Variants in NRG1 observed in about 807,000 individuals in gnomAD.
NRG1 encodes neuregulin 1.
In NRG1, 18 loss-of-function variants were observed where a neutral mutation model predicts 63.8. The ratio of observed to expected loss-of-function variants is 0.28; its 90% CI spans 0.19 to 0.42. The LOEUF (loss-of-function observed/expected upper bound fraction) is 0.42. NRG1 is among the 10% of genes least tolerant of loss of function. The probability of loss-of-function intolerance (pLI) is 1.00; values close to 1 mark genes in which losing one functional copy is unlikely to be tolerated. For synonymous variants in NRG1, 302 were observed against 301.3 expected (o/e 1.00, Z -0.02); for missense variants, 762 against 814.7 (o/e 0.94, Z 0.79).
At chr8:32,270,646 G>T (rs1006547810) in intron 1 of NRG1, among the ~76,000 whole-genome samples, 3 of 152,110 alleles carry the variant, frequency 2.0e-5, no homozygotes, top group Non-Finnish European at 4.4e-5. Context: ...CTGTTTCTTT[G>T]GGATTACCAA....
chr8:32,228,363 G>A (rs1586225083), intron 1 of NRG1, among the ~76,000 whole-genome samples: 1 of 152,198 alleles, frequency 6.6e-6, no homozygotes, highest in Non-Finnish European at 1.5e-5. Flanking sequence ...GTAATTAATA[G>A]CTCATGAGTC....
At chr8:32,398,795 A>G (rs1241344342) in intron 1 of NRG1, among the ~76,000 whole-genome samples, 1 of 152,096 alleles carries the variant, frequency 6.6e-6, no homozygotes, top group Non-Finnish European at 1.5e-5. Flanking sequence ...GTTATCTCCC[A>G]ATTATTGGGA....
intron 5 of NRG1, chr8:32,647,494 A>G: frequency 1.0e-6 from 1 of 985,394 alleles, no homozygotes; most frequent in Non-Finnish European, 1.2e-6. Flanking sequence ...GTGGCCCAGA[A>G]ACAGCAGCTT....
chr8:32,361,335 G>A (rs776225754), intron 1 of NRG1, among the ~76,000 whole-genome samples: 2 of 151,974 alleles, frequency 1.3e-5, no homozygotes, highest in African/African-American at 2.4e-5. Flanking sequence ...TAGAAAAGGA[G>A]GACCACAGGT....
chr8:31,767,145 G>A (rs1294628768), intron 1 of NRG1, among the ~76,000 whole-genome samples: 1 of 152,042 alleles, frequency 6.6e-6, no homozygotes, highest in African/African-American at 2.4e-5. Flanking sequence ...CATTCTTCAT[G>A]ACCGCCATTG....
chr8:32,229,362 G>A lies in NRG1; in HGVS notation c.38-366466G>A, dbSNP rs9942799. 2.0e-5 allele frequency among the ~76,000 whole-genome samples: 3 copies of A among 152,190 alleles called. No individual in the cohort carries two copies. The East Asian group carries it at 5.8e-4, about 29-fold the overall frequency. ...AAATTGACAGCTTTTGGGTTTGTGAGGATATTGTGAGTCAGGGTTCTCCTG... is the reference window on the plus strand; with the variant it reads ...AAATTGACAGCTTTTGGGTTTGTGAAGATATTGTGAGTCAGGGTTCTCCTG... On this transcript the variant is annotated intron_variant, in intron 1 of 10. Transcript: ENST00000519301.
chr8:32,281,632 C>A (rs1586601937), intron 1 of NRG1, among the ~76,000 whole-genome samples: 1 of 152,162 alleles, frequency 6.6e-6, no homozygotes, highest in Non-Finnish European at 1.5e-5. Context: ...TCTGTTCTTG[C>A]ATTAATTCGT....
At chr8:31,813,072 A>G (rs936177603) in intron 1 of NRG1, among the ~76,000 whole-genome samples, 1 of 152,176 alleles carries the variant, frequency 6.6e-6, no homozygotes, top group African/African-American at 2.4e-5. Flanking sequence ...GCTGCCCGTC[A>G]TGGATATACT....
chr8:32,104,577 ACT>A (rs1254186485), intron 1 of NRG1, among the ~76,000 whole-genome samples: 8 of 152,252 alleles, frequency 5.3e-5, no homozygotes, highest in South Asian at 2.1e-4. Context: ...AAACTTTTTG[ACT>A]CTTTTTCAAT....
At chr8:31,775,739 T>C (rs917172699) in intron 1 of NRG1, among the ~76,000 whole-genome samples, 8 of 151,620 alleles carry the variant, frequency 5.3e-5, no homozygotes, top group Non-Finnish European at 8.8e-5. Context: ...AAAAATTAGC[T>C]GGGCATGATG....
intron 1 of NRG1, among the ~76,000 whole-genome samples, chr8:32,098,136 A>T (rs62498887): frequency 1.3e-4 from 20 of 152,052 alleles, no homozygotes; most frequent in Non-Finnish European, 2.5e-4. Flanking sequence ...GAAGAAACCA[A>T]GAGGGCCTGA....
chr8:32,051,936 T>C (rs1194341689), intron 1 of NRG1, among the ~76,000 whole-genome samples: 1 of 152,190 alleles, frequency 6.6e-6, no homozygotes, highest in Non-Finnish European at 1.5e-5. Flanking sequence ...GACATTAAAA[T>C]AGTAGAGTTT....
intron 1 of NRG1, among the ~76,000 whole-genome samples, chr8:31,681,679 TTA>T (rs1056497656): frequency 6.7e-6 from 1 of 148,948 alleles, no homozygotes; most frequent in African/African-American, 2.4e-5. Context: ...GCTTTTATAT[TTA>T]TATATGTTTA....
intron 1 of NRG1, among the ~76,000 whole-genome samples, chr8:31,769,152 T>C (rs1818370966): frequency 6.6e-6 from 1 of 152,254 alleles, no homozygotes; most frequent in Non-Finnish European, 1.5e-5. Context: ...TGAAATATTG[T>C]AAAGCAAATC....
chr8:31,882,078 GGA>G (rs1830387639), intron 1 of NRG1, among the ~76,000 whole-genome samples: 1 of 152,072 alleles, frequency 6.6e-6, no homozygotes, highest in African/African-American at 2.4e-5. Flanking sequence ...TTGAATAGCT[GGA>G]GAGAATAAGG....
At chr8:32,301,116 G>A (rs923143566) in intron 1 of NRG1, among the ~76,000 whole-genome samples, 11 of 152,124 alleles carry the variant, frequency 7.2e-5, no homozygotes, top group Non-Finnish European at 1.3e-4. Flanking sequence ...AGAAAACATG[G>A]AATTTGGTAG....
intron 1 of NRG1, among the ~76,000 whole-genome samples, chr8:32,187,126 GTTAA>G (rs1370098131): frequency 3.3e-5 from 5 of 152,174 alleles, no homozygotes; most frequent in African/African-American, 9.7e-5. Context: ...CATAGAATGT[GTTAA>G]TTAAAGTGGC....
intron 1 of NRG1, among the ~76,000 whole-genome samples, chr8:32,193,806 G>A (rs1477470620): frequency 3.9e-5 from 6 of 152,156 alleles, no homozygotes; most frequent in Non-Finnish European, 7.3e-5. Context: ...TTATAGAAAG[G>A]GGAAATTTAG....
At chr8:31,849,322 C>A (rs1245896523) in intron 1 of NRG1, among the ~76,000 whole-genome samples, 3 of 152,224 alleles carry the variant, frequency 2.0e-5, no homozygotes, top group Non-Finnish European at 4.4e-5. Flanking sequence ...CACCGCACAG[C>A]TGCATATCTG....
Sources: gnomAD v4.1 joint callset for allele counts (sites outside exome capture counted in the v4.1 genomes callset) on GRCh38, gnomAD v4.1.1 for gene constraint, MANE v1.5 for transcripts, NCBI Gene and HGNC (gene_info 2026-07-23, HGNC 2026-07-21) for gene names.